The following MDM4 variants were observed in gnomAD, a reference collection of about 807,000 sequenced individuals.
MDM4 encodes the protein MDM4 regulator of p53.
MDM4 carries 2 observed loss-of-function variants against 60.2 expected under a neutral mutation model. The observed-to-expected ratio is 0.03, with a 90% CI of 0.01 to 0.10. The LOEUF is 0.10. MDM4 is among the 10% of genes least tolerant of loss of function. MDM4 has a pLI of 1.00. For missense variants in MDM4, 447 were observed against 577.5 expected (o/e 0.77, Z 2.32); for synonymous variants, 202 against 198.1 (o/e 1.02, Z -0.17).
At position 204,556,174 on chromosome 1, in the gene MDM4, A is replaced by G. The variant is rs983151646; in HGVS notation, c.*6492A>G. On this transcript the variant is annotated 3_prime_UTR_variant, in exon 11 of 11. Coordinates refer to ENST00000367182, the MANE Select transcript of MDM4 (RefSeq NM_002393.5). ...AAAGTTAATTATCTTATTTCTGGAT[A>G]TTGCTTTTATACCAAAGACCCTTAT... 4.4e-6 allele frequency: 1 copy of G among 225,148 alleles called. No homozygotes were observed. The highest frequency in any genetic ancestry group is 8.8e-6 in the Non-Finnish European group (1 of 113,080). 13.9% of individuals were successfully genotyped at this position (225,148 alleles called of 1,614,324 possible).
At chr1:204,535,997 C>G (rs997039725) in intron 5 of MDM4, among the ~76,000 whole-genome samples, 3 of 151,938 alleles carry the variant, frequency 2.0e-5, no homozygotes, top group African/African-American at 7.3e-5. Flanking sequence ...TGCGGTGGCT[C>G]ATGCCTGTAA....
At chr1:204,543,211 C>G (rs1662302543) in intron 8 of MDM4, among the ~76,000 whole-genome samples, 1 of 152,178 alleles carries the variant, frequency 6.6e-6, no homozygotes, top group South Asian at 2.1e-4. Context: ...GAGCCTTTGG[C>G]TGTGCGTAGT....
intron 5 of MDM4, among the ~76,000 whole-genome samples, chr1:204,535,916 A>G (rs1661359409): frequency 6.6e-6 from 1 of 152,188 alleles, no homozygotes; most frequent in African/African-American, 2.4e-5. Context: ...TAACCTAAGT[A>G]AGGTAGTAAG....
chr1:204,517,682 G>A (rs1411162698), intron 1 of MDM4, among the ~76,000 whole-genome samples: 1 of 152,100 alleles, frequency 6.6e-6, no homozygotes, highest in Non-Finnish European at 1.5e-5. Context: ...GATTACAGGC[G>A]TGAGCCACCG....
chr1:204,518,713 T>A (rs1338696872), intron 1 of MDM4, among the ~76,000 whole-genome samples: 1 of 152,200 alleles, frequency 6.6e-6, no homozygotes, highest in Non-Finnish European at 1.5e-5. Flanking sequence ...CCCCTGCCAC[T>A]GGAGTGAAGT....
intron 1 of MDM4, among the ~76,000 whole-genome samples, chr1:204,517,586 G>A (rs1246249314): frequency 6.6e-6 from 1 of 151,902 alleles, no homozygotes; most frequent in African/African-American, 2.4e-5. Flanking sequence ...TGTTTTATTA[G>A]AGATGAGGTT....
Position 204,532,229 on chromosome 1 carries a change from T to C in MDM4, c.326T>C (p.Leu109Ser), listed in dbSNP as rs766097677. The change falls in exon 5 of 11, where the codon TTA (leucine) becomes TCA (serine). Residue 109 changes from leucine (L) to serine (S), a missense_variant. Coordinates refer to ENST00000367182, the MANE Select transcript of MDM4 (RefSeq NM_002393.5). ...YDMLRKNLVT[L>S]ATATTDAAQT... is the part of the protein sequence containing the mutation. ...ATGCTAAGAAAGAATCTTGTCACTT[T>C]AGCCACTGCTACTACAGGTATGTCA... 1 of 1,599,812 alleles carries C rather than the reference T, an allele frequency of 6.3e-7. No homozygotes were observed. Among genetic ancestry groups the C allele is most frequent in the Non-Finnish European group, 8.6e-7 (1 of 1,167,538 alleles).
intron 10 of MDM4, among the ~76,000 whole-genome samples, chr1:204,547,960 GATCCGCCCGCCTC>G (rs1202917346): frequency 1.3e-5 from 2 of 152,198 alleles, no homozygotes; most frequent in Non-Finnish European, 2.9e-5. Flanking sequence ...GATCTCAGGT[GATCCGCCCGCCTC>G]AGCCTCCCAC....
At chr1:204,532,437 G>A in intron 5 of MDM4, 191 bp downstream of exon 5, 1 of 569,956 alleles carries the variant, frequency 1.8e-6, no homozygotes. Flanking sequence ...TAGAGTAGAA[G>A]GATTTCCACT....
At chr1:204,542,169 G>A (rs1252757495) in intron 7 of MDM4, among the ~76,000 whole-genome samples, 1 of 152,208 alleles carries the variant, frequency 6.6e-6, no homozygotes, top group African/African-American at 2.4e-5. Context: ...GCATATGTAT[G>A]TATTTGGACA....
At chr1:204,539,963 A>G (rs1002410321) in intron 7 of MDM4, among the ~76,000 whole-genome samples, 5 of 151,972 alleles carry the variant, frequency 3.3e-5, no homozygotes, top group Non-Finnish European at 7.4e-5. Flanking sequence ...TCTTCAGGCT[A>G]TGTGTACAAG....
intron 3 of MDM4, among the ~76,000 whole-genome samples, 190 bp downstream of exon 3, chr1:204,526,624 C>T (rs776073283): frequency 5.3e-5 from 8 of 151,940 alleles, no homozygotes; most frequent in Non-Finnish European, 1.0e-4. Context: ...CTGCCACGCC[C>T]GGCTAATTTT....
Position 204,551,680 on chromosome 1 carries a change from A to G in MDM4, c.*1998A>G, listed in dbSNP as rs972337136. 2.6e-5 allele frequency: 6 copies of G among 231,052 alleles called. No individual in the cohort carries two copies. The highest frequency in any genetic ancestry group is 5.1e-5 in the Non-Finnish European group (6 of 116,920). The allele number at this position is 231,052 out of a possible 1,614,324, so 14.3% of individuals were successfully genotyped here. A position where few individuals can be genotyped will look rare whatever the true frequency, so the allele number is the denominator to read the frequency against. ...TGTTGGTGTGTTCTCAAGGGTATGCATGTGTCATTTTGAAGACCAAGGCCC... is the reference window on the plus strand; with the variant it reads ...TGTTGGTGTGTTCTCAAGGGTATGCGTGTGTCATTTTGAAGACCAAGGCCC... On this transcript the variant is annotated 3_prime_UTR_variant, in exon 11 of 11. Coordinates refer to ENST00000367182, the MANE Select transcript of MDM4 (RefSeq NM_002393.5).
At chr1:204,543,174 G>T (rs1662300432) in intron 8 of MDM4, among the ~76,000 whole-genome samples, 1 of 152,132 alleles carries the variant, frequency 6.6e-6, no homozygotes, top group Non-Finnish European at 1.5e-5. Flanking sequence ...CTACTTAGAG[G>T]ATTTGACATT....
rs1307647366 is a variant in MDM4, at chr1:204,557,340, T to C, written c.*7658T>C. On this transcript the variant is annotated 3_prime_UTR_variant, in exon 11 of 11. Transcript: ENST00000367182. Reference sequence around the variant, plus strand: ...CTTTCTCTAGGTGTTCTGAGAGAAGTTTGTAAATTTGGATAGTACATTCTA... The same window carrying C: ...CTTTCTCTAGGTGTTCTGAGAGAAGCTTGTAAATTTGGATAGTACATTCTA... 3 of 185,014 alleles carry C rather than the reference T, an allele frequency of 1.6e-5. No individual in the cohort carries two copies. The highest frequency in any genetic ancestry group is 7.0e-5 in the African/African-American group (3 of 42,588). 11.5% of individuals were successfully genotyped at this position (185,014 alleles called of 1,614,324 possible).
chr1:204,518,141 G>A (rs1176592386), intron 1 of MDM4, among the ~76,000 whole-genome samples: 1 of 152,160 alleles, frequency 6.6e-6, no homozygotes. Flanking sequence ...AGGCGACAGC[G>A]CGAGAGCCTG....
Position 204,555,310 on chromosome 1 carries a change from A to C in MDM4, c.*5628A>C, listed in dbSNP as rs926061111. 1.8e-5 allele frequency: 3 copies of C among 165,952 alleles called. No homozygotes were observed. The highest frequency in any genetic ancestry group is 2.6e-5 in the Non-Finnish European group (2 of 76,184). 10.3% of individuals were successfully genotyped at this position (165,952 alleles called of 1,614,324 possible). ...GCTGGGACTATAGGCGCCCGCCACC[A>C]CGCCTGGCTAATTTTTGTATTTTTA... On this transcript the variant is annotated 3_prime_UTR_variant, in exon 11 of 11. Transcript: ENST00000367182.
Position 204,554,257 on chromosome 1 carries a change from TC to T in MDM4, c.*4579del. 4.4e-6 allele frequency: 1 copy of T among 225,520 alleles called. No individual in the cohort carries two copies. The highest frequency in any genetic ancestry group is 6.5e-5 in the East Asian group (1 of 15,446). The allele number at this position is 225,520 out of a possible 1,614,324, so 14.0% of individuals were successfully genotyped here. A position where few individuals can be genotyped will look rare whatever the true frequency, so the allele number is the denominator to read the frequency against. On this transcript the variant is annotated 3_prime_UTR_variant, in exon 11 of 11. Coordinates refer to ENST00000367182, the MANE Select transcript of MDM4 (RefSeq NM_002393.5). The stretch of plus-strand genomic sequence containing the variant: ...TTGTTAACTAGATATTTGAGTTTTT[TC>T]CCCTCAGAATTATGTGAATTTCTGA...
chr1:204,551,409 G>A lies in MDM4; in HGVS notation c.*1727G>A. ...CCTTTTGTTTAGTGCCTCTGGAGCT[G>A]CTTACACCAAGGCAATACGCCTTGA... is the stretch of plus-strand genomic sequence containing the variant. On this transcript the variant is annotated 3_prime_UTR_variant, in exon 11 of 11. Coordinates refer to ENST00000367182, the MANE Select transcript of MDM4 (RefSeq NM_002393.5). 4.5e-6 allele frequency: 1 copy of A among 224,514 alleles called. No individual in the cohort carries two copies. The allele number at this position is 224,514 out of a possible 1,614,324, so 13.9% of individuals were successfully genotyped here. A position where few individuals can be genotyped will look rare whatever the true frequency, so the allele number is the denominator to read the frequency against.
Sources: allele counts gnomAD v4.1 joint callset (sites outside exome capture counted in the v4.1 genomes callset), GRCh38; gene constraint gnomAD v4.1.1; transcripts MANE v1.5; gene names NCBI Gene and HGNC (gene_info 2026-07-23, HGNC 2026-07-21).